CLASP1: variants seen among roughly 807,000 people sequenced by gnomAD.
CLASP1 encodes CLIP-associating protein 1.
A neutral mutation model predicts 192.3 loss-of-function variants in CLASP1; 38 were observed. That is an observed-to-expected ratio of 0.20 (90% CI 0.15 to 0.26). The LOEUF (loss-of-function observed/expected upper bound fraction) is 0.26. Ranked by LOEUF, CLASP1 falls within the 10% of genes least tolerant of loss-of-function variation. CLASP1 has a pLI of 1.00. For missense variants in CLASP1, 1,433 were observed against 1,932.5 expected (o/e 0.74, Z 4.85); for synonymous variants, 691 against 712.8 (o/e 0.97, Z 0.49).
chr2:121,472,967 A>G (rs2091021007), intron 8 of CLASP1, among the ~76,000 whole-genome samples: 1 of 152,248 alleles, frequency 6.6e-6, no homozygotes, highest in Admixed American at 6.5e-5. Context: ...TGATTTGCCA[A>G]AACAAAGCAT....
chr2:121,585,716 G>T (rs1401471541), intron 2 of CLASP1, among the ~76,000 whole-genome samples: 1 of 152,010 alleles, frequency 6.6e-6, no homozygotes, highest in East Asian at 1.9e-4. Flanking sequence ...TGGCCAACAT[G>T]GTGAAACACC....
intron 2 of CLASP1, among the ~76,000 whole-genome samples, chr2:121,561,593 G>A (rs1473722439): frequency 6.6e-6 from 1 of 152,058 alleles, no homozygotes; most frequent in Non-Finnish European, 1.5e-5. Context: ...GACAGCTGAT[G>A]AGCTTAAAAA....
intron 2 of CLASP1, among the ~76,000 whole-genome samples, chr2:121,545,090 T>C (rs2095305767): frequency 6.6e-6 from 1 of 152,030 alleles, no homozygotes; most frequent in Admixed American, 6.5e-5. Context: ...TTTTGTATTT[T>C]TAGTAGAGAC....
chr2:121,477,558 C>T (rs1240172740), intron 8 of CLASP1, among the ~76,000 whole-genome samples: 7 of 152,120 alleles, frequency 4.6e-5, no homozygotes, highest in Non-Finnish European at 7.4e-5. Flanking sequence ...ATATGTATTT[C>T]TAGACTTTAA....
intron 12 of CLASP1, chr2:121,459,773 C>T (rs1347896923): frequency 2.5e-6 from 1 of 398,144 alleles, no homozygotes; most frequent in Admixed American, 4.3e-5. Context: ...AGCTATGTCA[C>T]TGAATAAAAT....
chr2:121,373,553 T>G (rs1417641978), intron 34 of CLASP1, among the ~76,000 whole-genome samples: 1 of 152,086 alleles, frequency 6.6e-6, no homozygotes, highest in Non-Finnish European at 1.5e-5. Context: ...TGAAAGAAAG[T>G]TTGAAACTTC....
intron 8 of CLASP1, among the ~76,000 whole-genome samples, chr2:121,488,146 C>T (rs553969794): frequency 9.9e-5 from 15 of 152,212 alleles, no homozygotes; most frequent in Non-Finnish European, 1.8e-4. Context: ...GATCTGGGTA[C>T]TGGATGGTTT....
intron 6 of CLASP1, among the ~76,000 whole-genome samples, chr2:121,521,204 T>C (rs960293807): frequency 6.6e-6 from 1 of 152,162 alleles, no homozygotes; most frequent in Non-Finnish European, 1.5e-5. Flanking sequence ...TTCAACATAA[T>C]CTAACTTTTG....
At chr2:121,365,124 G>C in exon 36 of CLASP1, 2 of 1,613,948 alleles carry the variant, frequency 1.2e-6, no homozygotes, top group Non-Finnish European at 1.7e-6. Flanking sequence ...CCAGCAGCAG[G>C]AGCAGAATGG....
At chr2:121,389,460 T>TA (rs1422974415) in intron 30 of CLASP1, among the ~76,000 whole-genome samples, 1 of 148,526 alleles carries the variant, frequency 6.7e-6, no homozygotes, top group African/African-American at 2.6e-5. Flanking sequence ...TGCATATTTT[T>TA]AAAAAACATT....
At position 121,644,185 on chromosome 2, in the gene CLASP1, T is replaced by C. The variant is rs560736963; in HGVS notation, c.-286+5187A>G. 3.9e-5 allele frequency among the ~76,000 whole-genome samples: 6 copies of C among 152,278 alleles called. No homozygotes were observed. The South Asian group carries it at 1.2e-3, about 32-fold the overall frequency. On this transcript the variant is annotated intron_variant, in intron 1 of 39. Coordinates refer to ENST00000263710, the Ensembl canonical transcript of CLASP1. ...AGATGAAGACACTAAAATATTGAGA[T>C]TATTTAACTGGCCTAAAATCACAGC...
intron 29 of CLASP1, 104 bp downstream of exon 30, chr2:121,398,218 G>A: frequency 1.2e-6 from 1 of 813,702 alleles, no homozygotes; most frequent in South Asian, 1.7e-5. Flanking sequence ...AATGCTCACA[G>A]CAGATTTATT....
At chr2:121,343,868 C>T (rs2063097791) in intron 39 of CLASP1, among the ~76,000 whole-genome samples, 2 of 152,018 alleles carry the variant, frequency 1.3e-5, no homozygotes, top group African/African-American at 2.4e-5. Flanking sequence ...GTCGAGAGTT[C>T]GAGACCAGCC....
chr2:121,484,359 C>T (rs1473268715), intron 8 of CLASP1, among the ~76,000 whole-genome samples: 1 of 152,190 alleles, frequency 6.6e-6, no homozygotes, highest in East Asian at 1.9e-4. Flanking sequence ...CAACTGCCCA[C>T]ATAATAATCA....
intron 2 of CLASP1, among the ~76,000 whole-genome samples, chr2:121,542,651 TAA>T (rs1432721974): frequency 2.6e-5 from 4 of 152,344 alleles, no homozygotes; most frequent in South Asian, 4.1e-4. Context: ...AGTCTATTTT[TAA>T]AATTCCTCTT....
intron 8 of CLASP1, among the ~76,000 whole-genome samples, chr2:121,487,806 C>G (rs1357721002): frequency 6.6e-6 from 1 of 152,208 alleles, no homozygotes; most frequent in African/African-American, 2.4e-5. Context: ...TAATTCTGCA[C>G]AAGAGGTTCG....
At chr2:121,410,589 T>A (rs945971677) in intron 24 of CLASP1, among the ~76,000 whole-genome samples, 1 of 151,986 alleles carries the variant, frequency 6.6e-6, no homozygotes, top group African/African-American at 2.4e-5. Context: ...ATCTGAGAAG[T>A]CCAGGGTCAT....
At chr2:121,445,286 T>C (rs2084114902) in intron 19 of CLASP1, among the ~76,000 whole-genome samples, 1 of 152,112 alleles carries the variant, frequency 6.6e-6, no homozygotes, top group South Asian at 2.1e-4. Context: ...TCCTTTTTCT[T>C]GGAAGAAAGT....
At chr2:121,406,953 C>T (rs2076999072) in intron 25 of CLASP1, among the ~76,000 whole-genome samples, 1 of 152,116 alleles carries the variant, frequency 6.6e-6, no homozygotes, top group Admixed American at 6.5e-5. Flanking sequence ...CGCGGTGGCT[C>T]ATGCCTGTAA....
Sources: gnomAD v4.1 joint callset for allele counts (sites outside exome capture counted in the v4.1 genomes callset) on GRCh38, gnomAD v4.1.1 for gene constraint, MANE v1.5 for transcripts, NCBI Gene and HGNC (gene_info 2026-07-23, HGNC 2026-07-21) for gene names.